TBCK: variants seen among roughly 807,000 people sequenced by gnomAD.
TBCK encodes the protein TBC domain-containing protein kinase-like protein.
In TBCK, 99 loss-of-function variants were observed where a neutral mutation model predicts 113.4. The ratio of observed to expected loss-of-function variants is 0.87; its 90% confidence interval spans 0.74 to 1.03. The LOEUF (loss-of-function observed/expected upper bound fraction) is 1.03, where lower values mean the gene tolerates loss of function less well. Ranked by LOEUF, TBCK falls within the 50% of genes least tolerant of loss-of-function variation. The pLI, the probability that TBCK is intolerant of heterozygous loss-of-function variation, is 0.00. For missense variants in TBCK, 1,045 were observed against 1,061.3 expected, an observed-to-expected ratio of 0.98 and a Z score of 0.21; for synonymous variants, 369 against 370.8, an observed-to-expected ratio of 1.00 and a Z score of 0.05.
chr4:106,263,380 C>A (rs1444108979), intron 3 of TBCK, among the ~76,000 whole-genome samples: 1 of 151,756 alleles, frequency 6.6e-6, no homozygotes, highest in Non-Finnish European at 1.5e-5. Flanking sequence ...CCAATTAAAA[C>A]ATAAGGATTG....
intron 23 of TBCK, among the ~76,000 whole-genome samples, chr4:106,158,772 G>A (rs1386404435): frequency 6.6e-6 from 1 of 152,052 alleles, no homozygotes. Flanking sequence ...TGAAGAGGGT[G>A]GAATACTTCC....
chr4:106,182,098 G>A (rs1205286641), intron 22 of TBCK, among the ~76,000 whole-genome samples: 3 of 152,066 alleles, frequency 2.0e-5, no homozygotes, highest in Non-Finnish European at 2.9e-5. Flanking sequence ...CTTGTAAGTT[G>A]GATTCCTAGG....
intron 3 of TBCK, among the ~76,000 whole-genome samples, chr4:106,268,942 A>G (rs1763235933): frequency 6.6e-6 from 1 of 152,126 alleles, no homozygotes; most frequent in Non-Finnish European, 1.5e-5. Context: ...TCCATGATCC[A>G]TGATATTTCT....
intron 25 of TBCK, among the ~76,000 whole-genome samples, chr4:106,053,395 T>C (rs1220215298): frequency 6.6e-6 from 1 of 151,666 alleles, no homozygotes; most frequent in Non-Finnish European, 1.5e-5. Context: ...ATCAGCATCA[T>C]ATGACACATT....
upstream of TBCK, chr4:106,316,612 G>A: frequency 7.1e-6 from 11 of 1,550,614 alleles, no homozygotes; most frequent in Non-Finnish European, 9.6e-6. Context: ...ACGTCGTGGC[G>A]GGTCACTCAC....
chr4:106,062,904 G>T (rs1273287219), intron 25 of TBCK, among the ~76,000 whole-genome samples: 1 of 151,834 alleles, frequency 6.6e-6, no homozygotes, highest in Non-Finnish European at 1.5e-5. Context: ...AAAAAACCAA[G>T]AAAACCAATG....
intron 24 of TBCK, among the ~76,000 whole-genome samples, chr4:106,115,773 T>G (rs939296575): frequency 3.3e-5 from 5 of 152,194 alleles, no homozygotes; most frequent in Non-Finnish European, 7.3e-5. Flanking sequence ...AAATACATGT[T>G]CTATGTAAGC....
At chr4:106,167,081 T>C (rs936692199) in intron 23 of TBCK, among the ~76,000 whole-genome samples, 14 of 149,074 alleles carry the variant, frequency 9.4e-5, no homozygotes, top group African/African-American at 3.4e-4. Flanking sequence ...CTTATTCATA[T>C]ATATAGGGGT....
chr4:106,042,546 A>G lies in TBCK; in HGVS notation c.*4024T>C, dbSNP rs1733927873. 6.6e-6 allele frequency: 1 copy of G among 152,048 alleles called. No individual in the cohort carries two copies. Among genetic ancestry groups the G allele is most frequent in the African/African-American group, 2.4e-5 (1 of 41,376 alleles). 9.4% of individuals were successfully genotyped at this position (152,048 alleles called of 1,614,324 possible). ...GGCTAATTTTTTGTATTTTTAGTAG[A>G]GATGGGGTTTCACCGTGTTAGCCAG... On this transcript the variant is annotated 3_prime_UTR_variant, in exon 26 of 26. Coordinates refer to ENST00000394708, the MANE Select transcript of TBCK (RefSeq NM_001163435.3).
intron 25 of TBCK, among the ~76,000 whole-genome samples, chr4:106,058,533 T>C (rs1560588684): frequency 6.6e-6 from 1 of 151,590 alleles, no homozygotes; most frequent in Non-Finnish European, 1.5e-5. Context: ...TCAAAACAAA[T>C]GGGAGTTACC....
chr4:106,075,826 C>T (rs1317847041), intron 25 of TBCK, among the ~76,000 whole-genome samples: 2 of 152,234 alleles, frequency 1.3e-5, no homozygotes, highest in East Asian at 3.9e-4. Context: ...GAAAATAGAG[C>T]CCTAAGCATG....
rs181160561 is a variant in TBCK, at chr4:106,307,939, T to A, written c.193+829A>T. On this transcript the variant is annotated intron_variant, in intron 2 of 25. Coordinates refer to ENST00000394708, the MANE Select transcript of TBCK (RefSeq NM_001163435.3). ...TAATTCAGTTCTCTAAATGGGCTGC[T>A]ATATAAAAAGACTAATGGAGTTTAA... Among the ~76,000 whole-genome samples, 758 of 152,186 alleles carry A rather than the reference T, an allele frequency of 5.0e-3. 4 individuals are homozygous for A. The highest frequency in any genetic ancestry group is 0.018 in the African/African-American group (729 of 41,544).
intron 23 of TBCK, among the ~76,000 whole-genome samples, chr4:106,151,099 T>C (rs1748431547): frequency 6.6e-6 from 1 of 152,022 alleles, no homozygotes; most frequent in Admixed American, 6.6e-5. Flanking sequence ...TATTTATGCA[T>C]TACATGAGAT....
In TBCK at chr4:106,050,785, A is replaced by G. The variant is rs540414162; in HGVS notation, c.2572-4105T>C. On this transcript the variant is annotated intron_variant, in intron 25 of 25. Coordinates refer to ENST00000394708, the MANE Select transcript of TBCK (RefSeq NM_001163435.3). The stretch of plus-strand genomic sequence containing the variant: ...ATCCCACGTGAGGGGGCCAGATATG[A>G]TATCTCCTGGCACAGTATCTGGGGA... Among the ~76,000 whole-genome samples, 26 of 152,122 alleles carry G rather than the reference A, an allele frequency of 1.7e-4. 1 individual carries two copies. In the South Asian group the frequency reaches 4.8e-3, roughly 28 times the overall value.
At chr4:106,185,657 A>G (rs907353059) in intron 22 of TBCK, among the ~76,000 whole-genome samples, 4 of 152,122 alleles carry the variant, frequency 2.6e-5, no homozygotes, top group Admixed American at 6.6e-5. Context: ...TGAGACCTAG[A>G]GAAAGGAAAA....
At chr4:106,273,927 A>C (rs1763759711) in intron 3 of TBCK, among the ~76,000 whole-genome samples, 1 of 152,224 alleles carries the variant, frequency 6.6e-6, no homozygotes, top group South Asian at 2.1e-4. Flanking sequence ...ACTTTCCATC[A>C]CATGTTTGGT....
At chr4:106,193,163 C>A (rs1753840250) in intron 22 of TBCK, among the ~76,000 whole-genome samples, 1 of 152,126 alleles carries the variant, frequency 6.6e-6, no homozygotes, top group South Asian at 2.1e-4. Flanking sequence ...GGCAGTATTT[C>A]CTTTTGTCAA....
At chr4:106,268,115 C>CTTAG (rs1340457800) in intron 3 of TBCK, among the ~76,000 whole-genome samples, 1 of 152,012 alleles carries the variant, frequency 6.6e-6, no homozygotes, top group Non-Finnish European at 1.5e-5. Flanking sequence ...GGTCCCTGTT[C>CTTAG]TCTAAGCCTC....
At chr4:106,118,726 C>T (rs1743872943) in intron 23 of TBCK, among the ~76,000 whole-genome samples, 1 of 152,034 alleles carries the variant, frequency 6.6e-6, no homozygotes, top group South Asian at 2.1e-4. Flanking sequence ...AGTGCCCTGA[C>T]TAAGAAGAGG....
Sources: allele counts gnomAD v4.1 joint callset (sites outside exome capture counted in the v4.1 genomes callset), GRCh38; gene constraint gnomAD v4.1.1; transcripts MANE v1.5; gene names NCBI Gene and HGNC (gene_info 2026-07-23, HGNC 2026-07-21).